ST6GALNAC5: variants seen among roughly 807,000 people sequenced by gnomAD.
ST6GALNAC5 encodes the protein ST6 N-acetylgalactosaminide alpha-2,6-sialyltransferase 5.
ST6GALNAC5 carries 27 observed loss-of-function variants against 33.6 expected under a neutral mutation model. That is an observed-to-expected ratio of 0.80 (90% CI 0.59 to 1.11). The LOEUF is 1.11. ST6GALNAC5 is among the 50% of genes least tolerant of loss of function. The probability of loss-of-function intolerance (pLI) is 0.00; values close to 1 mark genes in which losing one functional copy is unlikely to be tolerated. For synonymous variants in ST6GALNAC5, 194 were observed against 171.2 expected (o/e 1.13, Z -1.04); for missense variants, 428 against 454.0 (o/e 0.94, Z 0.52).
intron 2 of ST6GALNAC5, among the ~76,000 whole-genome samples, chr1:76,986,817 G>T (rs1570740614): frequency 6.6e-6 from 1 of 151,994 alleles, no homozygotes; most frequent in Non-Finnish European, 1.5e-5. Flanking sequence ...ATACACCATG[G>T]AATACTCTGC....
intron 2 of ST6GALNAC5, among the ~76,000 whole-genome samples, chr1:76,981,649 T>G (rs998573251): frequency 4.9e-5 from 3 of 61,506 alleles, no homozygotes; most frequent in African/African-American, 1.9e-4. Context: ...CTCCCAGCAT[T>G]GCATTTGAGC....
At chr1:76,995,547 C>A (rs1302328774) in intron 2 of ST6GALNAC5, 1 of 151,392 alleles carries the variant, frequency 6.6e-6, no homozygotes, top group African/African-American at 2.4e-5. Flanking sequence ...TCTCTCCTTC[C>A]TCTCTCTCTC....
intron 2 of ST6GALNAC5, among the ~76,000 whole-genome samples, chr1:76,921,794 C>T (rs751977169): frequency 1.3e-5 from 2 of 152,110 alleles, no homozygotes; most frequent in Non-Finnish European, 2.9e-5. Flanking sequence ...AAGCATTTGA[C>T]AGTATCCAGC....
chr1:77,015,485 A>G (rs1489584385), intron 2 of ST6GALNAC5, among the ~76,000 whole-genome samples: 11 of 152,210 alleles, frequency 7.2e-5, no homozygotes, highest in Admixed American at 7.2e-4. Flanking sequence ...CAGTCCTCAC[A>G]GGGCTCACAG....
At chr1:77,040,566 A>G (rs1651799142) in intron 2 of ST6GALNAC5, among the ~76,000 whole-genome samples, 1 of 126,786 alleles carries the variant, frequency 7.9e-6, no homozygotes, top group South Asian at 2.6e-4. Flanking sequence ...CTCTGGGCAA[A>G]GAGAAAAGAG....
At chr1:77,001,844 T>C (rs1431001530) in intron 2 of ST6GALNAC5, among the ~76,000 whole-genome samples, 1 of 151,868 alleles carries the variant, frequency 6.6e-6, no homozygotes, top group Non-Finnish European at 1.5e-5. Context: ...TGAAGCCCAC[T>C]TGATCATGGT....
intron 2 of ST6GALNAC5, among the ~76,000 whole-genome samples, chr1:76,916,482 C>T (rs746344415): frequency 6.6e-6 from 1 of 152,032 alleles, no homozygotes; most frequent in African/African-American, 2.4e-5. Flanking sequence ...CCTCCAGTTG[C>T]CATTCTGTTC....
chr1:76,950,443 G>A (rs1647698410), intron 2 of ST6GALNAC5, among the ~76,000 whole-genome samples: 1 of 152,076 alleles, frequency 6.6e-6, no homozygotes, highest in Admixed American at 6.6e-5. Flanking sequence ...TTCATTTGGT[G>A]ACATACAGCT....
In ST6GALNAC5 at chr1:77,044,528, C is replaced by G; in HGVS notation, c.586C>G (p.Leu196Val). The G allele has an allele frequency of 6.2e-7, 1 of 1,610,208 alleles. No individual in the cohort carries two copies. The highest frequency in any genetic ancestry group is 8.5e-7 in the Non-Finnish European group (1 of 1,177,716). Residue 196 changes from leucine (L) to valine (V), a missense_variant, in exon 3 of 5, where the codon CTG (leucine) becomes GTG (valine). Leu to Val is a conservative substitution (Grantham distance 32, BLOSUM62 1). Transcript: ENST00000477717. Reference protein sequence around the residue: ...YNNLHLLSQVLPRLKAFMITR... With the variant: ...YNNLHLLSQVVPRLKAFMITR... ...CAACCTGCATCTCCTGAGCCAGGTG[C>G]TGCCCCGGCTGAAGGCCTTCATGAT...
chr1:76,937,456 T>C (rs1647221621), intron 2 of ST6GALNAC5, among the ~76,000 whole-genome samples: 1 of 152,036 alleles, frequency 6.6e-6, no homozygotes, highest in Admixed American at 6.6e-5. Flanking sequence ...GATGAAGTTT[T>C]TAGAAGGAAA....
intron 2 of ST6GALNAC5, among the ~76,000 whole-genome samples, chr1:76,945,270 A>G (rs1332647361): frequency 4.8e-5 from 7 of 145,646 alleles, no homozygotes; most frequent in African/African-American, 1.3e-4. Flanking sequence ...TTTGTGGGAG[A>G]AAAAAAAAAG....
intron 2 of ST6GALNAC5, among the ~76,000 whole-genome samples, chr1:77,025,760 C>G (rs1651207355): frequency 6.6e-6 from 1 of 152,008 alleles, no homozygotes; most frequent in African/African-American, 2.4e-5. Context: ...GCCGGGTCAT[C>G]CAGTCCCACT....
intron 2 of ST6GALNAC5, among the ~76,000 whole-genome samples, chr1:76,967,098 G>A (rs2100358916): frequency 6.6e-6 from 1 of 152,318 alleles, no homozygotes; most frequent in South Asian, 2.1e-4. Flanking sequence ...GTATCAGGAT[G>A]ATGCTGGCCT....
chr1:76,973,542 C>T (rs922078573), intron 2 of ST6GALNAC5, among the ~76,000 whole-genome samples: 2 of 152,044 alleles, frequency 1.3e-5, no homozygotes, highest in African/African-American at 2.4e-5. Flanking sequence ...AAAACACCCT[C>T]ATGGAAACAT....
At chr1:76,969,658 C>G (rs1483740685) in intron 2 of ST6GALNAC5, among the ~76,000 whole-genome samples, 4 of 152,168 alleles carry the variant, frequency 2.6e-5, no homozygotes, top group Non-Finnish European at 5.9e-5. Context: ...TGTCTGACAG[C>G]CCTAAAGAGA....
At chr1:76,897,088 G>A (rs965571101) in intron 2 of ST6GALNAC5, among the ~76,000 whole-genome samples, 1 of 152,140 alleles carries the variant, frequency 6.6e-6, no homozygotes, top group Non-Finnish European at 1.5e-5. Flanking sequence ...GGTAACAGAT[G>A]AGGAAGAAAT....
intron 2 of ST6GALNAC5, among the ~76,000 whole-genome samples, chr1:76,992,409 T>G (rs1278288115): frequency 6.6e-6 from 1 of 152,216 alleles, no homozygotes; most frequent in Non-Finnish European, 1.5e-5. Flanking sequence ...CCAGAGGCCT[T>G]CCTGCCTCCA....
chr1:76,939,622 G>A (rs186581315), intron 2 of ST6GALNAC5, among the ~76,000 whole-genome samples: 3 of 152,158 alleles, frequency 2.0e-5, no homozygotes, highest in Non-Finnish European at 2.9e-5. Context: ...GCTCACTAAC[G>A]GTGTCTCCCT....
In ST6GALNAC5 at chr1:76,867,517, C is replaced by T. The variant is rs1653366063; in HGVS notation, c.-159C>T. 4 of 1,079,062 alleles carry T rather than the reference C, an allele frequency of 3.7e-6. No individual in the cohort carries two copies. The South Asian group carries it at 5.0e-5, about 14-fold the overall frequency. 66.8% of individuals were successfully genotyped at this position (1,079,062 alleles called of 1,614,324 possible). On this transcript the variant is annotated 5_prime_UTR_variant, in exon 1 of 5. Coordinates refer to ENST00000477717, the MANE Select transcript of ST6GALNAC5 (RefSeq NM_030965.3). ...GTCTCTAATCTCTGCAACAGCCGCG[C>T]TTCCCGGGTCCCGCGGCTCCCGCGC...
Sources: allele counts gnomAD v4.1 joint callset (sites outside exome capture counted in the v4.1 genomes callset), GRCh38; gene constraint gnomAD v4.1.1; transcripts MANE v1.5; gene names NCBI Gene and HGNC (gene_info 2026-07-23, HGNC 2026-07-21).